The following LMO3 variants were observed in gnomAD, a reference collection of about 807,000 sequenced individuals.
LMO3 encodes LIM domain only protein 3.
In LMO3, 2 loss-of-function variants were observed where a neutral mutation model predicts 15.8. The ratio of observed to expected loss-of-function variants is 0.13; its 90% CI spans 0.05 to 0.40. The LOEUF (loss-of-function observed/expected upper bound fraction) is 0.40, where lower values mean the gene tolerates loss of function less well. LMO3 is among the 10% of genes least tolerant of loss of function. LMO3 has a pLI of 0.99. For synonymous variants in LMO3, 62 were observed against 63.8 expected (o/e 0.97, Z 0.13); for missense variants, 86 against 182.2 (o/e 0.47, Z 3.04).
chr12:16,551,641 T>G (rs1229169620), intron 3 of LMO3, among the ~76,000 whole-genome samples: 3 of 151,828 alleles, frequency 2.0e-5, no homozygotes, highest in Non-Finnish European at 4.4e-5. Context: ...TAAAAAGAAC[T>G]GATCTGTATT....
At chr12:16,600,605 G>T (rs754539872) in intron 2 of LMO3, 50 bp downstream of exon 2, 2 of 1,484,602 alleles carry the variant, frequency 1.3e-6, no homozygotes, top group Non-Finnish European at 1.9e-6. Flanking sequence ...ACTTACAAAA[G>T]TACTTTAAAA....
intron 2 of LMO3, among the ~76,000 whole-genome samples, chr12:16,567,160 C>T (rs1463770582): frequency 1.3e-5 from 2 of 152,074 alleles, no homozygotes; most frequent in African/African-American, 4.8e-5. Context: ...CGTGCCATTG[C>T]ACTCCAGCCT....
chr12:16,607,239 CCCA>C (rs1944029781), upstream of LMO3: 2 of 152,376 alleles, frequency 1.3e-5, no homozygotes, highest in Non-Finnish European at 2.9e-5. Flanking sequence ...AATGCTGACC[CCCA>C]CCACCACCAC....
intron 2 of LMO3, among the ~76,000 whole-genome samples, chr12:16,592,976 CT>C (rs1943541188): frequency 6.6e-6 from 1 of 151,652 alleles, no homozygotes; most frequent in African/African-American, 2.4e-5. Context: ...CTAAAATTAG[CT>C]TTTCCCTCTT....
Position 16,576,786 on chromosome 12 carries a change from T to C in LMO3, c.207-16248A>G, listed in dbSNP as rs369384526. Among the ~76,000 whole-genome samples the C allele has an allele frequency of 1.3e-5, 2 of 152,348 alleles. No individual in the cohort carries two copies. The highest frequency in any genetic ancestry group is 3.4e-3 in the Middle Eastern group (1 of 294). On this transcript the variant is annotated intron_variant, in intron 2 of 3. Coordinates refer to ENST00000537304, the MANE Select transcript of LMO3 (RefSeq NM_018640.5). The surrounding 1 kb of genome is among the most constrained non-coding windows in gnomAD (Gnocchi z 4.1). ...GGGATTTTACTTATGACCCCTAGAT[T>C]AGTACCATCTATTTTTAAATACCAT... is the stretch of plus-strand genomic sequence containing the variant.
intron 2 of LMO3, among the ~76,000 whole-genome samples, chr12:16,578,645 C>G (rs1943066232): frequency 6.6e-6 from 1 of 152,036 alleles, no homozygotes; most frequent in Non-Finnish European, 1.5e-5. Context: ...TGGTGAAGCC[C>G]CATGTCTACT....
intron 2 of LMO3, among the ~76,000 whole-genome samples, chr12:16,567,835 G>A (rs1033515356): frequency 1.6e-4 from 24 of 152,066 alleles, no homozygotes; most frequent in African/African-American, 5.6e-4. Context: ...CAATCAGACA[G>A]AACACCACCA....
At chr12:16,551,979 C>G (rs1399294699) in intron 3 of LMO3, among the ~76,000 whole-genome samples, 1 of 151,902 alleles carries the variant, frequency 6.6e-6, no homozygotes, top group Admixed American at 6.6e-5. Context: ...TAGAGCACTT[C>G]CAATTCAACC....
Position 16,576,946 on chromosome 12 carries a change from C to G in LMO3, c.207-16408G>C, listed in dbSNP as rs555764112. Among the ~76,000 whole-genome samples, 24 of 152,172 alleles carry G rather than the reference C, an allele frequency of 1.6e-4. No individual in the cohort carries two copies. The highest frequency in any genetic ancestry group is 1.2e-3 in the South Asian group (6 of 4,818). On this transcript the variant is annotated intron_variant, in intron 2 of 3. Coordinates refer to ENST00000537304, the MANE Select transcript of LMO3 (RefSeq NM_018640.5). The surrounding 1 kb of genome is among the most constrained non-coding windows in gnomAD (Gnocchi z 4.1). The stretch of plus-strand genomic sequence containing the variant: ...TAAACTATCTATTTTAGAAATAACC[C>G]AATAAGGGCAAAGCTATATGAGTAA...
At chr12:16,564,461 G>T (rs565427603) in intron 2 of LMO3, among the ~76,000 whole-genome samples, 1 of 152,294 alleles carries the variant, frequency 6.6e-6, no homozygotes, top group African/African-American at 2.4e-5. Context: ...TGCGGACTGG[G>T]GGTAGGGAAA....
chr12:16,598,264 C>T lies in LMO3; in HGVS notation c.206+2391G>A, dbSNP rs76874968. On this transcript the variant is annotated intron_variant, in intron 2 of 3. Transcript: ENST00000537304. This position sits in a 1 kb window ranked among gnomAD's most constrained non-coding sequence, Gnocchi z 4.3. ...CTATAACACGTAACACAGTGTTTTACACACACCAATTCTCCACTTCACTTC... is the reference window on the plus strand; with the variant it reads ...CTATAACACGTAACACAGTGTTTTATACACACCAATTCTCCACTTCACTTC... The T allele has an allele frequency of 1.3e-5, 2 of 152,220 alleles. No homozygotes were observed. Among genetic ancestry groups the T allele is most frequent in the East Asian group, 3.9e-4 (2 of 5,180 alleles). The allele number at this position is 152,220 out of a possible 1,614,324, so 9.4% of individuals were successfully genotyped here. A position where few individuals can be genotyped will look rare whatever the true frequency, so the allele number is the denominator to read the frequency against.
rs1340982232 is a variant in LMO3, at chr12:16,576,005, A to G, written c.207-15467T>C. ...CTTTGAATTTGCCTCCTCTTCTCAG[A>G]CCCCCAAATCTAGCCCTGCCGCTGT... On this transcript the variant is annotated intron_variant, in intron 2 of 3. Transcript: ENST00000537304. This position sits in a 1 kb window ranked among gnomAD's most constrained non-coding sequence, Gnocchi z 4.1. Among the ~76,000 whole-genome samples, 1 of 151,730 alleles carries G rather than the reference A, an allele frequency of 6.6e-6. No individual in the cohort carries two copies. The highest frequency in any genetic ancestry group is 1.5e-5 in the Non-Finnish European group (1 of 67,954).
chr12:16,553,105 T>A (rs528462291), intron 3 of LMO3, among the ~76,000 whole-genome samples: 35 of 152,150 alleles, frequency 2.3e-4, no homozygotes, highest in Non-Finnish European at 4.4e-4. Context: ...GCTTACCATG[T>A]GCTAAATGCT....
At chr12:16,600,597 T>C in intron 2 of LMO3, 58 bp downstream of exon 2, 1 of 1,454,524 alleles carries the variant, frequency 6.9e-7, no homozygotes, top group South Asian at 1.2e-5. Flanking sequence ...AAAAATACAC[T>C]TACAAAAGTA....
chr12:16,560,298 GAAA>G lies in LMO3; in HGVS notation c.332+112_332+114del. On this transcript the variant is annotated intron_variant, in intron 3 of 3. Transcript: ENST00000537304. The surrounding 1 kb of genome is among the most constrained non-coding windows in gnomAD (Gnocchi z 5.0). ...GCATGGGATTAAAGTTTACAGAACA[GAAA>G]AACGCTGAGATTGATTGCTTTAAAT... is the stretch of plus-strand genomic sequence containing the variant. 3 of 1,213,080 alleles carry G rather than the reference GAAA, an allele frequency of 2.5e-6. No individual in the cohort carries two copies. The highest frequency in any genetic ancestry group is 3.4e-6 in the Non-Finnish European group (3 of 882,282). The allele number at this position is 1,213,080 out of a possible 1,614,324, so 75.1% of individuals were successfully genotyped here. A position where few individuals can be genotyped will look rare whatever the true frequency, so the allele number is the denominator to read the frequency against.
At position 16,560,961 on chromosome 12, in the gene LMO3, C is replaced by T. The variant is rs935883322; in HGVS notation, c.207-423G>A. On this transcript the variant is annotated intron_variant, in intron 2 of 3. Transcript: ENST00000537304. This position sits in a 1 kb window ranked among gnomAD's most constrained non-coding sequence, Gnocchi z 5.0. Reference sequence around the variant, plus strand: ...TTCACTACTTTTTGACATTTAGTTACTAAAAGGTTTGCCATTATTATTAAA... The same window carrying T: ...TTCACTACTTTTTGACATTTAGTTATTAAAAGGTTTGCCATTATTATTAAA... Among the ~76,000 whole-genome samples the T allele has an allele frequency of 6.6e-6, 1 of 152,092 alleles. No individual in the cohort carries two copies. Among genetic ancestry groups the T allele is most frequent in the Non-Finnish European group, 1.5e-5 (1 of 68,014 alleles).
At position 16,597,872 on chromosome 12, in the gene LMO3, C is replaced by G. The variant is rs973703814; in HGVS notation, c.206+2783G>C. 2.0e-5 allele frequency: 3 copies of G among 151,808 alleles called. No individual in the cohort carries two copies. The highest frequency in any genetic ancestry group is 2.0e-4 in the Admixed American group (3 of 15,216). The allele number at this position is 151,808 out of a possible 1,614,324, so 9.4% of individuals were successfully genotyped here. A position where few individuals can be genotyped will look rare whatever the true frequency, so the allele number is the denominator to read the frequency against. The stretch of plus-strand genomic sequence containing the variant: ...AATGAGAAAAATTACTTTTAAAGCT[C>G]AGGAAAATAACCACAGAATATTACT... On this transcript the variant is annotated intron_variant, in intron 2 of 3. Coordinates refer to ENST00000537304, the MANE Select transcript of LMO3 (RefSeq NM_018640.5). The surrounding 1 kb of genome is among the most constrained non-coding windows in gnomAD (Gnocchi z 5.0).
chr12:16,581,286 T>C (rs980932020), intron 2 of LMO3, among the ~76,000 whole-genome samples: 5 of 152,320 alleles, frequency 3.3e-5, no homozygotes, highest in Admixed American at 3.3e-4. Flanking sequence ...ATTTGAATCC[T>C]AGCTCCATCA....
intron 2 of LMO3, among the ~76,000 whole-genome samples, chr12:16,567,751 G>C (rs1282032616): frequency 6.6e-6 from 1 of 152,018 alleles, no homozygotes; most frequent in Admixed American, 6.6e-5. Flanking sequence ...TTCATGTTTG[G>C]TAAGTTGGTA....
Sources: allele counts gnomAD v4.1 joint callset (sites outside exome capture counted in the v4.1 genomes callset), GRCh38; gene constraint gnomAD v4.1.1; non-coding constraint Gnocchi (gnomAD v3.1); transcripts MANE v1.5; gene names NCBI Gene and HGNC (gene_info 2026-07-23, HGNC 2026-07-21).